GABRB2: variants seen among roughly 807,000 people sequenced by gnomAD.
The protein encoded by GABRB2 is gamma-aminobutyric acid receptor subunit beta-2.
In GABRB2, 16 loss-of-function variants were observed where a neutral mutation model predicts 54.7. The ratio of observed to expected loss-of-function variants is 0.29; its 90% CI spans 0.20 to 0.44. The LOEUF (loss-of-function observed/expected upper bound fraction) is 0.44, where lower values mean the gene tolerates loss of function less well. GABRB2 is among the 20% of genes least tolerant of loss of function. The probability of loss-of-function intolerance (pLI) is 1.00; values close to 1 mark genes in which losing one functional copy is unlikely to be tolerated. For missense variants in GABRB2, 355 were observed against 644.0 expected (o/e 0.55, Z 4.86); for synonymous variants, 244 against 233.8 (o/e 1.04, Z -0.40).
intron 9 of GABRB2, among the ~76,000 whole-genome samples, chr5:161,310,646 T>C (rs1757833603): frequency 6.6e-6 from 1 of 151,208 alleles, no homozygotes; most frequent in African/African-American, 2.5e-5. Flanking sequence ...TTCTTTCGTG[T>C]ACACACACAT....
intron 5 of GABRB2, among the ~76,000 whole-genome samples, chr5:161,348,253 T>C (rs979354649): frequency 1.3e-5 from 2 of 152,068 alleles, no homozygotes; most frequent in African/African-American, 4.8e-5. Context: ...ATATCATTAA[T>C]TAATTGAAAC....
chr5:161,360,256 C>A (rs1032746960), intron 5 of GABRB2, among the ~76,000 whole-genome samples: 5 of 152,038 alleles, frequency 3.3e-5, no homozygotes, highest in Admixed American at 1.3e-4. Flanking sequence ...GACTGATTCC[C>A]AGTCTGGGAT....
At chr5:161,431,101 C>T (rs958290965) in intron 4 of GABRB2, among the ~76,000 whole-genome samples, 1 of 152,068 alleles carries the variant, frequency 6.6e-6, no homozygotes, top group African/African-American at 2.4e-5. Flanking sequence ...AAATCTGGAC[C>T]TGGCATTTCC....
chr5:161,538,407 G>A (rs191072712), intron 3 of GABRB2, among the ~76,000 whole-genome samples: 3 of 152,306 alleles, frequency 2.0e-5, no homozygotes, highest in African/African-American at 4.8e-5. Context: ...AACAAGTGAC[G>A]AAGGAACTTA....
chr5:161,473,316 A>G (rs559489606), intron 3 of GABRB2, among the ~76,000 whole-genome samples: 74 of 152,150 alleles, frequency 4.9e-4, no homozygotes, highest in African/African-American at 1.7e-3. Flanking sequence ...AGCCATTTAT[A>G]TAACTAACTT....
intron 3 of GABRB2, among the ~76,000 whole-genome samples, chr5:161,474,798 G>A (rs181479959): frequency 5.1e-4 from 77 of 151,928 alleles, no homozygotes; most frequent in African/African-American, 1.7e-3. Flanking sequence ...AAAATAAATT[G>A]GTTTTTATAT....
At chr5:161,499,367 A>G (rs901188032) in intron 3 of GABRB2, among the ~76,000 whole-genome samples, 1 of 152,198 alleles carries the variant, frequency 6.6e-6, no homozygotes, top group Non-Finnish European at 1.5e-5. Flanking sequence ...CTTTAAGCAA[A>G]TAATTCTCCT....
intron 4 of GABRB2, among the ~76,000 whole-genome samples, chr5:161,420,021 C>A (rs1401024841): frequency 6.6e-6 from 1 of 152,122 alleles, no homozygotes; most frequent in Non-Finnish European, 1.5e-5. Context: ...GAACCAGAGT[C>A]TCTTACAGAC....
intron 3 of GABRB2, among the ~76,000 whole-genome samples, chr5:161,531,182 C>A (rs540217904): frequency 2.6e-5 from 4 of 152,214 alleles, no homozygotes; most frequent in Middle Eastern, 3.4e-3. Context: ...AAATTGGCAC[C>A]TGCTCACTCA....
chr5:161,375,159 C>G (rs983070269), intron 5 of GABRB2, among the ~76,000 whole-genome samples: 1 of 152,158 alleles, frequency 6.6e-6, no homozygotes, highest in African/African-American at 2.4e-5. Context: ...ACATACATCA[C>G]AGCCCACAGT....
At chr5:161,407,708 A>C (rs574269921) in intron 5 of GABRB2, among the ~76,000 whole-genome samples, 1 of 152,140 alleles carries the variant, frequency 6.6e-6, no homozygotes, top group South Asian at 2.1e-4. Context: ...AACACAATGC[A>C]TTCTATGTAG....
intron 3 of GABRB2, among the ~76,000 whole-genome samples, chr5:161,541,995 G>A (rs1760834752): frequency 6.6e-6 from 1 of 152,094 alleles, no homozygotes; most frequent in African/African-American, 2.4e-5. Context: ...AACTCTCATT[G>A]TAGGGCTGTG....
intron 3 of GABRB2, among the ~76,000 whole-genome samples, chr5:161,530,883 T>A (rs910525847): frequency 1.3e-5 from 2 of 152,108 alleles, no homozygotes; most frequent in Admixed American, 1.3e-4. Context: ...GTGCACAGCC[T>A]CCCAGATCTG....
intron 3 of GABRB2, among the ~76,000 whole-genome samples, chr5:161,526,062 C>T (rs1018893245): frequency 8.6e-5 from 13 of 151,314 alleles, no homozygotes; most frequent in African/African-American, 3.1e-4. Flanking sequence ...ACAGGAGTTA[C>T]AATTCAATGA....
intron 5 of GABRB2, among the ~76,000 whole-genome samples, chr5:161,368,718 A>G (rs1755044299): frequency 1.3e-5 from 2 of 152,206 alleles, no homozygotes; most frequent in African/African-American, 2.4e-5. Context: ...AGTCATCCAA[A>G]CAAGACATGA....
intron 3 of GABRB2, among the ~76,000 whole-genome samples, chr5:161,509,662 T>A (rs939581933): frequency 2.6e-5 from 4 of 151,898 alleles, no homozygotes; most frequent in Admixed American, 2.6e-4. Flanking sequence ...ATCACCACCT[T>A]CAAGGAGTAA....
chr5:161,423,504 C>G (rs1756910991), intron 4 of GABRB2, among the ~76,000 whole-genome samples: 1 of 152,068 alleles, frequency 6.6e-6, no homozygotes, highest in South Asian at 2.1e-4. Context: ...TTTATTATGT[C>G]TGTCACAGTC....
chr5:161,301,347 A>G (rs936457111), intron 9 of GABRB2, among the ~76,000 whole-genome samples: 3 of 152,086 alleles, frequency 2.0e-5, no homozygotes, highest in Non-Finnish European at 4.4e-5. Flanking sequence ...GACTTGCCCA[A>G]ATGGATTTCC....
chr5:161,477,390 C>T (rs1758626975), intron 3 of GABRB2, among the ~76,000 whole-genome samples: 1 of 149,946 alleles, frequency 6.7e-6, no homozygotes, highest in Non-Finnish European at 1.5e-5. Context: ...CTTTGGAAAA[C>T]AGTATGGCTG....
Sources: allele counts gnomAD v4.1 joint callset (sites outside exome capture counted in the v4.1 genomes callset), GRCh38; gene constraint gnomAD v4.1.1; transcripts MANE v1.5; gene names NCBI Gene and HGNC (gene_info 2026-07-23, HGNC 2026-07-21).